BEND3: variants seen among roughly 807,000 people sequenced by gnomAD.
BEND3 encodes BEN domain-containing protein 3.
A neutral mutation model predicts 60.1 loss-of-function variants in BEND3; 13 were observed. The observed-to-expected ratio is 0.22, with a 90% CI of 0.14 to 0.34. The LOEUF is 0.34. BEND3 is among the 10% of genes least tolerant of loss of function. The probability of loss-of-function intolerance (pLI) is 1.00; values close to 1 mark genes in which losing one functional copy is unlikely to be tolerated. For missense variants in BEND3, 896 were observed against 1,138.1 expected, an observed-to-expected ratio of 0.79 and a Z score of 3.06; for synonymous variants, 497 against 491.5, an observed-to-expected ratio of 1.01 and a Z score of -0.15.
At chr6:107,089,595 AAAGG>A (rs782256147) in intron 3 of BEND3, among the ~76,000 whole-genome samples, 3,048 of 127,066 alleles carry the variant, frequency 0.024, 45 homozygotes, top group Non-Finnish European at 0.042. Context: ...CGAAAAAAAA[AAAGG>A]ATTTTTTTTT....
chr6:107,081,879 T>C (rs1434975501), intron 3 of BEND3, among the ~76,000 whole-genome samples: 4 of 152,150 alleles, frequency 2.6e-5, no homozygotes, highest in African/African-American at 9.7e-5. Context: ...AATAAAAATG[T>C]GTTGAGTGAA....
chr6:107,098,913 T>C, intron 2 of BEND3, among the ~76,000 whole-genome samples, 160 bp from the exon 3 acceptor site: 1 of 152,190 alleles, frequency 6.6e-6, no homozygotes, highest in East Asian at 1.9e-4. Context: ...AACGATGCAA[T>C]CTTTATCTCA....
At chr6:107,080,668 G>C (rs1582648911) in intron 3 of BEND3, among the ~76,000 whole-genome samples, 1 of 151,956 alleles carries the variant, frequency 6.6e-6, no homozygotes, top group Non-Finnish European at 1.5e-5. Flanking sequence ...GATCTCCTGA[G>C]GTCAGGAGTT....
intron 3 of BEND3, among the ~76,000 whole-genome samples, chr6:107,096,920 T>C (rs888368733): frequency 6.6e-6 from 1 of 151,454 alleles, no homozygotes; most frequent in Non-Finnish European, 1.5e-5. Flanking sequence ...ACACTGCAGA[T>C]GTTGCAGTGA....
At chr6:107,113,734 T>C (rs1026420498) in intron 1 of BEND3, 2 of 151,880 alleles carry the variant, frequency 1.3e-5, no homozygotes, top group African/African-American at 4.8e-5. Flanking sequence ...TATGGTAGTA[T>C]AAAGCCAATA....
intron 3 of BEND3, among the ~76,000 whole-genome samples, chr6:107,090,661 C>T (rs1160452635): frequency 6.6e-6 from 1 of 152,006 alleles, no homozygotes; most frequent in Non-Finnish European, 1.5e-5. Flanking sequence ...AATTTGGACT[C>T]TTTTGTTATT....
At chr6:107,073,440 C>T (rs1775034494) in intron 3 of BEND3, among the ~76,000 whole-genome samples, 1 of 151,438 alleles carries the variant, frequency 6.6e-6, no homozygotes. Context: ...AAGCTGTCCC[C>T]ATCCTGTCAA....
Position 107,069,134 on chromosome 6 carries a change from C to G in BEND3, c.2057G>C (p.Gly686Ala), listed in dbSNP as rs1271741442. 6.2e-7 allele frequency: 1 copy of G among 1,612,544 alleles called. No homozygotes were observed. The highest frequency in any genetic ancestry group is 8.5e-7 in the Non-Finnish European group (1 of 1,179,988). Residue 686 changes from glycine (G) to alanine (A), a missense_variant, in exon 4 of 4, where the codon GGG (glycine) becomes GCG (alanine). This residue lies in a region of BEND3 where 846 missense variants were observed against 1,036.7 expected (regional missense o/e 0.82). Transcript: ENST00000369042. ...GCTCCTCTCGGGGGGCAGTGGGGGC[C>G]CCTCAAACTCCTCCCGGAACCTCTC... Reference protein sequence around the residue: ...NPERFREEFEGPPLPPERSSK... With the variant: ...NPERFREEFEAPPLPPERSSK...
In BEND3 at chr6:107,068,842, G is replaced by A. The variant is rs541825404; in HGVS notation, c.2349C>T (p.Tyr783=). The A allele has an allele frequency of 8.7e-6, 14 of 1,614,086 alleles. No homozygotes were observed. The highest frequency in any genetic ancestry group is 6.7e-5 in the East Asian group (3 of 44,878). The stretch of plus-strand genomic sequence containing the variant: ...TCTCCACCGGGTAGACGGCTTCCAC[G>A]TAGTGGCGGATGAGCCGCAGCCGCG... ...DPTRLRLIRH[Y]VEAVYPVEKM... The change falls in exon 4 of 4, where the codon TAC becomes TAT. Residue 783 remains tyrosine (Y), a synonymous_variant. Coordinates refer to ENST00000369042, the MANE Select transcript of BEND3 (RefSeq NM_001367314.1). The surrounding 1 kb of genome is among the most constrained non-coding windows in gnomAD (Gnocchi z 5.8).
In BEND3 at chr6:107,068,741, C is replaced by T; in HGVS notation, c.2450G>A (p.Cys817Tyr). Residue 817 changes from cysteine to tyrosine, a missense_variant, in exon 4 of 4, where the codon TGC becomes TAC. By Grantham distance (194) the Cys-to-Tyr change is radical. This residue lies in a region of BEND3 where 16 missense variants were observed against 18.0 expected (regional missense o/e 0.89). Transcript: ENST00000369042. This position sits in a 1 kb window ranked among gnomAD's most constrained non-coding sequence, Gnocchi z 5.8. ...TTTCTTTGCTTTCTTGAGGATGTCG[C>T]ATTTTTTCCTGTTGGGGCGGCGGCA... ...ERCRRPNRKK[C>Y]DILKKAKKVE... The T allele has an allele frequency of 1.9e-6, 3 of 1,613,876 alleles. No individual in the cohort carries two copies. The highest frequency in any genetic ancestry group is 2.5e-6 in the Non-Finnish European group (3 of 1,180,006).
At chr6:107,110,717 G>C (rs1220899663) in intron 1 of BEND3, among the ~76,000 whole-genome samples, 1 of 151,958 alleles carries the variant, frequency 6.6e-6, no homozygotes, top group Non-Finnish European at 1.5e-5. Context: ...ACCATACCTG[G>C]CTAATTTTTG....
chr6:107,114,928 C>G (rs1488825403), intron 1 of BEND3, among the ~76,000 whole-genome samples, 162 bp downstream of exon 1: 1 of 149,298 alleles, frequency 6.7e-6, no homozygotes, highest in Non-Finnish European at 1.5e-5. Flanking sequence ...GGGGTGGGCG[C>G]TACTACCGGC....
chr6:107,087,676 G>A (rs1202429057), intron 3 of BEND3, among the ~76,000 whole-genome samples: 1 of 151,580 alleles, frequency 6.6e-6, no homozygotes, highest in Non-Finnish European at 1.5e-5. Context: ...GGCGGAGGTT[G>A]CAGTGAGCTG....
intron 3 of BEND3, among the ~76,000 whole-genome samples, chr6:107,075,075 G>A (rs1775072356): frequency 6.6e-6 from 1 of 151,228 alleles, no homozygotes; most frequent in Non-Finnish European, 1.5e-5. Context: ...CTGGGCAACA[G>A]AGCGTCTCAA....
intron 3 of BEND3, among the ~76,000 whole-genome samples, chr6:107,079,273 T>A (rs1331626682): frequency 2.0e-5 from 3 of 152,068 alleles, no homozygotes; most frequent in Admixed American, 6.5e-5. Context: ...TCCTTCTGGC[T>A]CCCCCATCTG....
intron 3 of BEND3, among the ~76,000 whole-genome samples, chr6:107,085,213 T>C (rs930205581): frequency 3.1e-4 from 47 of 152,104 alleles, no homozygotes; most frequent in African/African-American, 1.1e-3. Flanking sequence ...CCAACACATC[T>C]GAACATCTGA....
chr6:107,093,890 G>A (rs1361345628), intron 3 of BEND3, among the ~76,000 whole-genome samples: 1 of 152,152 alleles, frequency 6.6e-6, no homozygotes, highest in Admixed American at 6.5e-5. Flanking sequence ...TAATAAAGTG[G>A]ACTTCATTAA....
At chr6:107,084,680 C>A (rs1354834641) in intron 3 of BEND3, among the ~76,000 whole-genome samples, 2 of 151,970 alleles carry the variant, frequency 1.3e-5, no homozygotes, top group African/African-American at 4.8e-5. Context: ...TAAAACTGCA[C>A]CAATCAGCAC....
intron 3 of BEND3, among the ~76,000 whole-genome samples, chr6:107,089,585 C>T (rs1322243803): frequency 1.6e-5 from 2 of 122,244 alleles, no homozygotes; most frequent in African/African-American, 2.9e-5. Context: ...GACTCTGTCT[C>T]GAAAAAAAAA....
Sources: gnomAD v4.1 joint callset for allele counts (sites outside exome capture counted in the v4.1 genomes callset) on GRCh38, gnomAD v4.1.1 for gene constraint, gnomAD v4.1.1 regional missense constraint, Gnocchi (gnomAD v3.1) non-coding constraint, MANE v1.5 for transcripts, NCBI Gene and HGNC (gene_info 2026-07-23, HGNC 2026-07-21) for gene names.